NUDT16L1: variants seen among roughly 807,000 people sequenced by gnomAD.
NUDT16L1 encodes the protein nudix hydrolase 16 like 1.
Under a neutral mutation model 17.3 loss-of-function variants are expected in NUDT16L1, and 19 were observed. The observed-to-expected ratio is 1.10, with a 90% CI of 0.77 to 1.61. NUDT16L1 has a LOEUF of 1.61. NUDT16L1 is among the 40% of genes most tolerant of loss of function. The pLI is 0.00. For synonymous variants in NUDT16L1, 255 were observed against 138.6 expected, an observed-to-expected ratio of 1.84 and a Z score of -5.90; for missense variants, 341 against 292.0, an observed-to-expected ratio of 1.17 and a Z score of -1.22.
exon 3 of NUDT16L1, chr16:4,695,320 C>G (rs983345457): frequency 1.2e-6 from 1 of 847,844 alleles, no homozygotes; most frequent in East Asian, 2.7e-5. Context: ...TCCACTGTCC[C>G]AAGCAGTCAC....
Position 4,695,606 on chromosome 16 carries a change from A to T in NUDT16L1, c.*427A>T, listed in dbSNP as rs145980342. 1.7e-3 allele frequency: 725 copies of T among 429,118 alleles called. 4 individuals carry two copies. Among genetic ancestry groups the T allele is most frequent in the African/African-American group, 0.013 (663 of 49,570 alleles). The allele number at this position is 429,118 out of a possible 1,614,324, so 26.6% of individuals were successfully genotyped here. On this transcript the variant is annotated 3_prime_UTR_variant, in exon 3 of 3. Coordinates refer to ENST00000304301, the Ensembl canonical transcript of NUDT16L1. Reference sequence around the variant, plus strand: ...CTCATTCCTGCCTCCTTCCTGAGCCAGTTCAGGGCCTGGGGGAGAGCCAGC... The same window carrying T: ...CTCATTCCTGCCTCCTTCCTGAGCCTGTTCAGGGCCTGGGGGAGAGCCAGC...
exon 2 of NUDT16L1, chr16:4,694,032 C>T (rs1376135597): frequency 3.2e-6 from 5 of 1,583,554 alleles, no homozygotes; most frequent in Non-Finnish European, 3.4e-6. Context: ...CGTGGACCGG[C>T]GCTTCTGGTC....
exon 3 of NUDT16L1, chr16:4,695,281 C>G: frequency 2.5e-6 from 3 of 1,222,936 alleles, no homozygotes. Flanking sequence ...TTCTGACTGC[C>G]TAGGGCGAGT....
Position 4,694,472 on chromosome 16 carries a change from G to T in NUDT16L1, c.414+234G>T, listed in dbSNP as rs559110200. The T allele has an allele frequency of 7.2e-6, 11 of 1,524,204 alleles. No homozygotes were observed. The South Asian group carries it at 9.7e-5, about 13-fold the overall frequency. 94.4% of individuals were successfully genotyped at this position (1,524,204 alleles called of 1,614,324 possible). On this transcript the variant is annotated intron_variant, in intron 2 of 2. Transcript: ENST00000304301. ...AGGGCTGTGTTACATCCGCCTTGCT[G>T]CCTGCCATTGCCAATCCTGGGAGTG...
intron 2 of NUDT16L1, 148 bp downstream of exon 2, chr16:4,694,386 T>C: frequency 7.2e-7 from 1 of 1,386,572 alleles, no homozygotes; most frequent in Non-Finnish European, 9.5e-7. Context: ...GGGAGAGGGG[T>C]CTGGGGCTGG....
At chr16:4,695,468 A>C (rs2079522212) in exon 3 of NUDT16L1, 5 of 581,624 alleles carry the variant, frequency 8.6e-6, no homozygotes, top group East Asian at 5.6e-5. Flanking sequence ...TGTACGTCTC[A>C]TCACAGCTGG....
exon 3 of NUDT16L1, chr16:4,695,463 G>C (rs988047889): frequency 5.1e-6 from 3 of 583,998 alleles, no homozygotes; most frequent in Non-Finnish European, 9.1e-6. Flanking sequence ...CCTCTTGTAC[G>C]TCTCATCACA....
chr16:4,695,364 A>C, exon 3 of NUDT16L1: 1 of 631,462 alleles, frequency 1.6e-6, no homozygotes, highest in East Asian at 2.7e-5. Flanking sequence ...AACCCAGCCC[A>C]TCCTCTCAGG....
At chr16:4,695,811 G>A (rs546776748) in exon 3 of NUDT16L1, 17 of 384,774 alleles carry the variant, frequency 4.4e-5, no homozygotes, top group Admixed American at 3.1e-4. Context: ...CGAAGCTGTC[G>A]AAGGAGAAGA....
exon 2 of NUDT16L1, chr16:4,694,179 C>G (rs773040339): frequency 1.9e-6 from 3 of 1,576,910 alleles, no homozygotes; most frequent in South Asian, 1.1e-5. Flanking sequence ...GCAGCTGACG[C>G]TGGAGCAGCT....
rs748824990 is a variant in NUDT16L1, at chr16:4,694,927, T to G, written c.415-31T>G. 133 of 1,582,420 alleles carry G rather than the reference T, an allele frequency of 8.4e-5. 2 individuals carry two copies. In the South Asian group the frequency reaches 1.5e-3, roughly 17 times the overall value. On this transcript the variant is annotated intron_variant, in intron 2 of 2. Coordinates refer to ENST00000304301, the Ensembl canonical transcript of NUDT16L1. ...TGGAGGTGCCATTGTGTGGCAGGCC[T>G]GGCCCCAACCCCTACCTCCTGTCTG...
At chr16:4,695,689 A>T (rs1439209820) in exon 3 of NUDT16L1, 4 of 404,208 alleles carry the variant, frequency 9.9e-6, no homozygotes, top group Non-Finnish European at 1.7e-5. Flanking sequence ...TTACTTTGCT[A>T]GATTTTCTCT....
At chr16:4,695,812 A>C in exon 3 of NUDT16L1, 1 of 384,116 alleles carries the variant, frequency 2.6e-6, no homozygotes, top group Non-Finnish European at 4.6e-6. Context: ...GAAGCTGTCG[A>C]AGGAGAAGAC....
chr16:4,695,837 GCAGCTGCTCTGTGTGTTTCT>G (rs553198072), exon 3 of NUDT16L1: 431 of 351,500 alleles, frequency 1.2e-3, 2 homozygotes, highest in African/African-American at 4.3e-3. Context: ...AAGTCGCTCC[GCAGCTGCTCTGTGTGTTTCT>G]CAGCTGCCCT....
chr16:4,694,516 G>A (rs1297069527), intron 2 of NUDT16L1: 1 of 1,498,586 alleles, frequency 6.7e-7, no homozygotes, highest in Non-Finnish European at 8.9e-7. Flanking sequence ...GGATCGGTGG[G>A]GAGGAAGGGA....
Position 4,695,172 on chromosome 16 carries a change from CCT to C in NUDT16L1, c.632_633del (p.Ser211LeufsTer5). 6.2e-7 allele frequency: 1 copy of C among 1,612,528 alleles called. No individual in the cohort carries two copies. The highest frequency in any genetic ancestry group is 8.5e-7 in the Non-Finnish European group (1 of 1,179,852). On this transcript the variant is annotated frameshift_variant, in exon 3 of 3. Coordinates refer to ENST00000304301, the Ensembl canonical transcript of NUDT16L1. LOFTEE classifies it high-confidence loss of function. ...GCCCTGGAGAAGTTGCTCCCGGCCT[CCT>C]CTTGAGGGCTGCCTGAGCTGGTGGC...
intron 2 of NUDT16L1, chr16:4,694,707 C>G (rs1028343920): frequency 2.1e-6 from 3 of 1,418,716 alleles, no homozygotes; most frequent in African/African-American, 2.9e-5. Flanking sequence ...GGGTGCGGAC[C>G]CCGGGGTGGG....
exon 3 of NUDT16L1, chr16:4,694,963 G>T: frequency 6.2e-7 from 1 of 1,608,180 alleles, no homozygotes; most frequent in Non-Finnish European, 8.5e-7. Context: ...CGCAGGTGCT[G>T]GGCCTCGTGC....
exon 3 of NUDT16L1, chr16:4,695,000 C>A (rs770053173): frequency 6.2e-7 from 1 of 1,612,244 alleles, no homozygotes; most frequent in Non-Finnish European, 8.5e-7. Context: ...CCAGAAGGAC[C>A]GAGTCGGAGG....
Sources: allele counts gnomAD v4.1 joint callset, GRCh38; gene constraint gnomAD v4.1.1; transcripts MANE v1.5; gene names NCBI Gene and HGNC (gene_info 2026-07-23, HGNC 2026-07-21).